The following EYS variants were observed in gnomAD, a reference collection of about 807,000 sequenced individuals.
EYS encodes the protein EGF-like photoreceptor maintenance factor.
In EYS, 250 loss-of-function variants were observed where a neutral mutation model predicts 282.1. The observed-to-expected ratio is 0.89, with a 90% CI of 0.80 to 0.98. The LOEUF (loss-of-function observed/expected upper bound fraction) is 0.98, where lower values mean the gene tolerates loss of function less well. Among genes scored for constraint, EYS ranks in the 50% least tolerant of loss-of-function variants. The probability of loss-of-function intolerance (pLI) is 0.00; values close to 1 mark genes in which losing one functional copy is unlikely to be tolerated. For missense variants in EYS, 4,016 were observed against 3,709.0 expected, an observed-to-expected ratio of 1.08 and a Z score of -2.15; for synonymous variants, 1,355 against 1,282.9, an observed-to-expected ratio of 1.06 and a Z score of -1.20.
chr6:64,995,475 A>T (rs1771221963), intron 14 of EYS, among the ~76,000 whole-genome samples: 2 of 152,130 alleles, frequency 1.3e-5, no homozygotes, highest in South Asian at 4.1e-4. Context: ...TAGGCCCCAG[A>T]CACAATATCT....
At chr6:64,234,709 C>T (rs1156468470) in intron 30 of EYS, among the ~76,000 whole-genome samples, 1 of 152,080 alleles carries the variant, frequency 6.6e-6, no homozygotes, top group Non-Finnish European at 1.5e-5. Flanking sequence ...ACCATATATC[C>T]TCAGTCTAGT....
intron 35 of EYS, among the ~76,000 whole-genome samples, chr6:63,922,085 CA>C (rs1308822585): frequency 6.6e-6 from 1 of 152,126 alleles, no homozygotes; most frequent in Admixed American, 6.5e-5. Flanking sequence ...CTCTGTAAAA[CA>C]AGAAGAGAGT....
At chr6:64,098,710 C>T (rs556445513) in intron 31 of EYS, among the ~76,000 whole-genome samples, 33 of 151,680 alleles carry the variant, frequency 2.2e-4, no homozygotes, top group Middle Eastern at 3.4e-3. Flanking sequence ...AAGCCATTCT[C>T]CTGCCTCAGC....
chr6:65,486,790 C>T (rs1380560405), intron 5 of EYS, among the ~76,000 whole-genome samples: 1 of 152,166 alleles, frequency 6.6e-6, no homozygotes, highest in African/African-American at 2.4e-5. Flanking sequence ...AAATCATTTA[C>T]TTCATGAATA....
intron 26 of EYS, among the ~76,000 whole-genome samples, chr6:64,526,698 G>A (rs931974897): frequency 1.3e-5 from 2 of 151,804 alleles, no homozygotes; most frequent in Non-Finnish European, 2.9e-5. Flanking sequence ...TAGATTAGGA[G>A]TGAGATGTGA....
chr6:64,492,748 G>C (rs138807557), intron 26 of EYS, among the ~76,000 whole-genome samples: 2 of 151,452 alleles, frequency 1.3e-5, no homozygotes, highest in African/African-American at 4.8e-5. Context: ...GGTGGTTAAA[G>C]TGATGATAGA....
At chr6:63,879,141 G>T (rs1773061320) in intron 35 of EYS, among the ~76,000 whole-genome samples, 3 of 152,084 alleles carry the variant, frequency 2.0e-5, no homozygotes. Context: ...ATTGGTTTCT[G>T]GTTTGTCTAG....
At chr6:64,105,622 A>G (rs995320271) in intron 31 of EYS, among the ~76,000 whole-genome samples, 2 of 152,026 alleles carry the variant, frequency 1.3e-5, no homozygotes, top group Admixed American at 6.6e-5. Flanking sequence ...CCTGGCAACC[A>G]CTAATCTTTT....
At chr6:65,354,819 C>T (rs9453267) in intron 8 of EYS, among the ~76,000 whole-genome samples, 102,260 of 151,390 alleles carry the variant, frequency 0.68, 34,571 homozygotes, top group South Asian at 0.71. Context: ...AAGACTTTGT[C>T]TCAAAAAAAA....
intron 13 of EYS, among the ~76,000 whole-genome samples, chr6:65,033,011 T>C (rs896042068): frequency 6.6e-6 from 1 of 152,196 alleles, no homozygotes; most frequent in Admixed American, 6.6e-5. Context: ...GTCACATGTG[T>C]TATGCCCTAG....
intron 14 of EYS, among the ~76,000 whole-genome samples, chr6:64,958,467 G>A (rs1465186536): frequency 6.6e-6 from 1 of 151,964 alleles, no homozygotes; most frequent in Non-Finnish European, 1.5e-5. Context: ...CAATCTTCAG[G>A]CCGGGCGCGG....
At chr6:64,735,119 T>C (rs1772142672) in intron 22 of EYS, among the ~76,000 whole-genome samples, 1 of 152,164 alleles carries the variant, frequency 6.6e-6, no homozygotes, top group African/African-American at 2.4e-5. Context: ...AGTCATGCTC[T>C]GTCGCCCAGG....
chr6:65,194,203 T>A (rs1765709993), intron 12 of EYS, among the ~76,000 whole-genome samples: 1 of 151,944 alleles, frequency 6.6e-6, no homozygotes, highest in Non-Finnish European at 1.5e-5. Context: ...CAATGCAACT[T>A]TTCTGTTCAA....
chr6:63,917,338 C>G (rs1764450786), intron 35 of EYS, among the ~76,000 whole-genome samples: 1 of 152,228 alleles, frequency 6.6e-6, no homozygotes, highest in African/African-American at 2.4e-5. Context: ...ATAATCTGCT[C>G]TCACTGTAGT....
intron 5 of EYS, among the ~76,000 whole-genome samples, chr6:65,432,424 T>C (rs901048931): frequency 6.6e-6 from 1 of 152,106 alleles, no homozygotes; most frequent in Non-Finnish European, 1.5e-5. Context: ...TTATAATTTA[T>C]AATAATTTAG....
intron 13 of EYS, among the ~76,000 whole-genome samples, chr6:65,029,698 C>T (rs1277827138): frequency 6.6e-6 from 1 of 152,002 alleles, no homozygotes; most frequent in East Asian, 1.9e-4. Flanking sequence ...GCCAAGATGG[C>T]CTACTAAATG....
chr6:63,814,717 T>C (rs1771136358), intron 36 of EYS, among the ~76,000 whole-genome samples: 1 of 152,178 alleles, frequency 6.6e-6, no homozygotes, highest in Admixed American at 6.6e-5. Context: ...GTAGGATGTT[T>C]TATAGTATCA....
chr6:63,798,981 ATG>A (rs1170085864), intron 37 of EYS, among the ~76,000 whole-genome samples: 3,888 of 110,160 alleles, frequency 0.035, 155 homozygotes, highest in South Asian at 0.054. Flanking sequence ...ATATATGTAT[ATG>A]TGTGTATATA....
At chr6:64,786,714 A>T (rs989867633) in intron 22 of EYS, among the ~76,000 whole-genome samples, 8 of 152,318 alleles carry the variant, frequency 5.3e-5, no homozygotes, top group South Asian at 2.1e-4. Flanking sequence ...TGTAAATCTT[A>T]CACCCTTCTT....
Sources: allele counts gnomAD v4.1 joint callset (sites outside exome capture counted in the v4.1 genomes callset), GRCh38; gene constraint gnomAD v4.1.1; transcripts MANE v1.5; gene names NCBI Gene and HGNC (gene_info 2026-07-23, HGNC 2026-07-21).